TNR: variants seen among roughly 807,000 people sequenced by gnomAD.
TNR encodes the protein tenascin R.
TNR carries 45 observed loss-of-function variants against 150.4 expected under a neutral mutation model. The observed-to-expected ratio is 0.30, with a 90% CI of 0.24 to 0.38. The LOEUF (loss-of-function observed/expected upper bound fraction) is 0.38, where lower values mean the gene tolerates loss of function less well. Ranked by LOEUF, TNR falls within the 10% of genes least tolerant of loss-of-function variation. The pLI is 1.00. For synonymous variants in TNR, 687 were observed against 678.4 expected (o/e 1.01, Z -0.20); for missense variants, 1,544 against 1,759.1 (o/e 0.88, Z 2.19).
At chr1:175,531,597 A>G (rs936191737) in intron 1 of TNR, among the ~76,000 whole-genome samples, 1 of 152,182 alleles carries the variant, frequency 6.6e-6, no homozygotes, top group Non-Finnish European at 1.5e-5. Flanking sequence ...CATACACAAA[A>G]GTAAAGAGCA....
intron 1 of TNR, among the ~76,000 whole-genome samples, chr1:175,662,495 C>G (rs890583833): frequency 6.6e-6 from 1 of 152,218 alleles, no homozygotes; most frequent in Non-Finnish European, 1.5e-5. Context: ...CCCAGCCAGG[C>G]CTAATGCTTC....
intron 2 of TNR, among the ~76,000 whole-genome samples, chr1:175,412,379 A>T (rs859467): frequency 3.9e-5 from 6 of 152,086 alleles, no homozygotes; most frequent in South Asian, 2.1e-4. Context: ...CCAATCCAAG[A>T]GATCTCCCCA....
At chr1:175,428,886 G>T (rs1655133878) in intron 2 of TNR, among the ~76,000 whole-genome samples, 1 of 152,174 alleles carries the variant, frequency 6.6e-6, no homozygotes. Flanking sequence ...GATATCCAGG[G>T]ATAGAATCCA....
intron 1 of TNR, among the ~76,000 whole-genome samples, chr1:175,656,000 G>C (rs964846307): frequency 1.3e-5 from 2 of 151,874 alleles, no homozygotes; most frequent in Non-Finnish European, 2.9e-5. Flanking sequence ...ATCCAGCCAG[G>C]GCTCTGTTCA....
chr1:175,653,887 T>A (rs1351306979), intron 1 of TNR, among the ~76,000 whole-genome samples: 1 of 152,242 alleles, frequency 6.6e-6, no homozygotes, highest in Non-Finnish European at 1.5e-5. Context: ...CTTTGTTTTA[T>A]AATTATATAC....
At chr1:175,463,438 A>T (rs1242868625) in intron 2 of TNR, among the ~76,000 whole-genome samples, 2 of 152,264 alleles carry the variant, frequency 1.3e-5, no homozygotes, top group Non-Finnish European at 2.9e-5. Flanking sequence ...TAAATGCAAC[A>T]TCCAGGAATA....
At chr1:175,596,472 TCTG>T (rs1472063022) in intron 1 of TNR, among the ~76,000 whole-genome samples, 3 of 152,218 alleles carry the variant, frequency 2.0e-5, no homozygotes, top group Admixed American at 1.3e-4. Flanking sequence ...TGTGGGCTCT[TCTG>T]CTACTCAAAG....
chr1:175,634,711 T>C (rs1002153701), intron 1 of TNR, among the ~76,000 whole-genome samples: 12 of 152,130 alleles, frequency 7.9e-5, no homozygotes, highest in African/African-American at 2.7e-4. Flanking sequence ...CACCGAGGCA[T>C]GGAAATGGAA....
chr1:175,359,300 C>G (rs1651483192), intron 15 of TNR, among the ~76,000 whole-genome samples: 1 of 151,644 alleles, frequency 6.6e-6, no homozygotes, highest in Non-Finnish European at 1.5e-5. Flanking sequence ...TTTGCACCAC[C>G]ACTTCCGGCT....
intron 1 of TNR, among the ~76,000 whole-genome samples, chr1:175,708,534 G>A (rs1054026023): frequency 2.0e-5 from 3 of 152,066 alleles, no homozygotes; most frequent in Admixed American, 6.5e-5. Context: ...GTTTTGTAAC[G>A]GGAAGGAAGC....
intron 1 of TNR, among the ~76,000 whole-genome samples, chr1:175,689,643 C>T (rs771299024): frequency 1.3e-5 from 2 of 152,152 alleles, no homozygotes; most frequent in Non-Finnish European, 2.9e-5. Context: ...ACATCAATAA[C>T]CTTGCCTCTC....
chr1:175,504,410 A>C (rs1658867386), intron 2 of TNR, among the ~76,000 whole-genome samples: 1 of 152,172 alleles, frequency 6.6e-6, no homozygotes, highest in Non-Finnish European at 1.5e-5. Context: ...GGTAGCAGTG[A>C]ACATAGCTCA....
intron 1 of TNR, among the ~76,000 whole-genome samples, chr1:175,534,152 C>T (rs1557991459): frequency 6.6e-6 from 1 of 152,212 alleles, no homozygotes; most frequent in Non-Finnish European, 1.5e-5. Context: ...CACACAAGAG[C>T]AATGGACCAT....
At chr1:175,388,272 A>G (rs1481043228) in intron 7 of TNR, among the ~76,000 whole-genome samples, 1 of 152,194 alleles carries the variant, frequency 6.6e-6, no homozygotes, top group African/African-American at 2.4e-5. Context: ...GAAAAAAAAA[A>G]AAGTGTCAGG....
chr1:175,658,967 T>C (rs543336066), intron 1 of TNR, among the ~76,000 whole-genome samples: 1 of 152,284 alleles, frequency 6.6e-6, no homozygotes, highest in East Asian at 1.9e-4. Flanking sequence ...TTGGCAAATA[T>C]TCAGTGAGGG....
Position 175,667,553 on chromosome 1 carries a change from T to G in TNR, c.-165+75673A>C, listed in dbSNP as rs1665566427. Among the ~76,000 whole-genome samples the G allele has an allele frequency of 1.3e-5, 2 of 152,170 alleles. 1 individual carries two copies. The highest frequency in any genetic ancestry group is 1.3e-4 in the Admixed American group (2 of 15,276). ...GCCCTTCTTTGAGGAATTTCCAGTC[T>G]GATTGGGGAGGCATACAAGTAAACA... On this transcript the variant is annotated intron_variant, in intron 1 of 22. Transcript: ENST00000367674.
chr1:175,360,341 A>G (rs1288145006), intron 14 of TNR, among the ~76,000 whole-genome samples: 3 of 152,158 alleles, frequency 2.0e-5, no homozygotes, highest in African/African-American at 7.2e-5. Context: ...TTCACTGCTC[A>G]CAAGTCTCAC....
At chr1:175,711,724 C>T (rs1383906805) in intron 1 of TNR, among the ~76,000 whole-genome samples, 2 of 152,074 alleles carry the variant, frequency 1.3e-5, no homozygotes, top group Non-Finnish European at 2.9e-5. Flanking sequence ...ATCTCACAGA[C>T]GTGGAAACAG....
At chr1:175,525,248 T>G (rs1052567843) in intron 2 of TNR, among the ~76,000 whole-genome samples, 3 of 152,150 alleles carry the variant, frequency 2.0e-5, no homozygotes, top group Non-Finnish European at 2.9e-5. Context: ...TCCTGAGGCC[T>G]CCCCAACCAT....
Sources: gnomAD v4.1 joint callset for allele counts (sites outside exome capture counted in the v4.1 genomes callset) on GRCh38, gnomAD v4.1.1 for gene constraint, MANE v1.5 for transcripts, NCBI Gene and HGNC (gene_info 2026-07-23, HGNC 2026-07-21) for gene names.